The following GLIS3 variants were observed in gnomAD, a reference collection of about 807,000 sequenced individuals.
The protein encoded by GLIS3 is GLIS family zinc finger 3.
Under a neutral mutation model 78.6 loss-of-function variants are expected in GLIS3, and 53 were observed. The observed-to-expected ratio is 0.67, with a 90% CI of 0.54 to 0.85. GLIS3 has a LOEUF of 0.85. GLIS3 is among the 40% of genes least tolerant of loss of function. GLIS3 has a pLI of 0.00. For missense variants in GLIS3, 1,703 were observed against 1,231.1 expected (o/e 1.38, Z -5.74); for synonymous variants, 684 against 509.9 (o/e 1.34, Z -4.60).
intron 7 of GLIS3, among the ~76,000 whole-genome samples, chr9:3,892,061 C>T (rs1588163138): frequency 6.6e-6 from 1 of 152,152 alleles, no homozygotes; most frequent in East Asian, 1.9e-4. Flanking sequence ...ACAGACCCCT[C>T]ACTTCTTAAG....
At chr9:3,951,814 GGAGA>G (rs1007037650) in intron 4 of GLIS3, among the ~76,000 whole-genome samples, 2 of 138,868 alleles carry the variant, frequency 1.4e-5, no homozygotes, top group African/African-American at 5.4e-5. Flanking sequence ...AGGGAAAAGA[GGAGA>G]GAGAAAGAGA....
At chr9:4,109,374 G>C (rs767864076) in intron 4 of GLIS3, among the ~76,000 whole-genome samples, 5 of 152,144 alleles carry the variant, frequency 3.3e-5, no homozygotes, top group Non-Finnish European at 4.4e-5. Flanking sequence ...AATAACTTTG[G>C]TCTCTAGTCT....
At position 4,168,840 on chromosome 9, in the gene GLIS3, T is replaced by C. The variant is rs896233928; in HGVS notation, c.389-42899A>G. On this transcript the variant is annotated intron_variant, in intron 2 of 10. Coordinates refer to ENST00000381971, the MANE Select transcript of GLIS3 (RefSeq NM_001042413.2). ...ACTCCACAAAAATAGACAGAAGCCT[T>C]GGTCCCTCGTTAGGCCTAATTGTCG... is the stretch of plus-strand genomic sequence containing the variant. Among the ~76,000 whole-genome samples, 4 of 152,182 alleles carry C rather than the reference T, an allele frequency of 2.6e-5. No individual in the cohort carries two copies. In the East Asian group the frequency reaches 5.8e-4, roughly 22 times the overall value.
chr9:3,841,076 C>T (rs147609283), intron 9 of GLIS3, among the ~76,000 whole-genome samples: 31 of 152,156 alleles, frequency 2.0e-4, no homozygotes, highest in African/African-American at 6.3e-4. Context: ...GGGAAAAAAC[C>T]GAGTGAGAAG....
chr9:4,281,698 T>A (rs764355325), intron 2 of GLIS3, among the ~76,000 whole-genome samples: 1 of 152,214 alleles, frequency 6.6e-6, no homozygotes, highest in Non-Finnish European at 1.5e-5. Context: ...TCATAAATAA[T>A]GCTGCTGTGG....
chr9:4,206,900 G>C (rs572392279), intron 2 of GLIS3, among the ~76,000 whole-genome samples: 20 of 151,006 alleles, frequency 1.3e-4, no homozygotes, highest in Non-Finnish European at 1.8e-4. Context: ...TGGGAGGAAG[G>C]GGGGAGGACG....
At chr9:4,295,953 C>T (rs1030190014) in intron 1 of GLIS3, among the ~76,000 whole-genome samples, 10 of 152,038 alleles carry the variant, frequency 6.6e-5, no homozygotes, top group Admixed American at 2.0e-4. Flanking sequence ...ACACAGATTT[C>T]CTATGTGCCT....
the GLIS3 span, among the ~76,000 whole-genome samples, chr9:4,487,724 G>A: frequency 6.6e-6 from 1 of 150,496 alleles, no homozygotes; most frequent in African/African-American, 2.5e-5. Flanking sequence ...GTCTCGCTCT[G>A]TCACCCAGGC....
In GLIS3 at chr9:4,098,425, C is replaced by T. The variant is rs568548663; in HGVS notation, c.1710+19343G>A. Among the ~76,000 whole-genome samples the T allele has an allele frequency of 5.9e-5, 9 of 152,248 alleles. No homozygotes were observed. In the South Asian group the frequency reaches 1.7e-3, roughly 28 times the overall value. ...CACTAACATTTTCCATGAGCAAGAT[C>T]GATACACGGTGTAACAGAAACATAA... On this transcript the variant is annotated intron_variant, in intron 4 of 10. Transcript: ENST00000381971.
the GLIS3 span, among the ~76,000 whole-genome samples, chr9:4,423,435 C>G: frequency 2.0e-5 from 3 of 152,050 alleles, no homozygotes; most frequent in Non-Finnish European, 4.4e-5. Context: ...CTCATTCCCC[C>G]AACTTCCCAC....
intron 2 of GLIS3, among the ~76,000 whole-genome samples, chr9:4,132,011 A>G (rs1029636663): frequency 6.6e-6 from 1 of 151,538 alleles, no homozygotes; most frequent in East Asian, 1.9e-4. Context: ...CTCATTTCCA[A>G]TATTCTTTCT....
chr9:4,426,950 C>T, the GLIS3 span, among the ~76,000 whole-genome samples: 578 of 152,318 alleles, frequency 3.8e-3, 4 homozygotes, highest in African/African-American at 0.013. Context: ...ACACCCATTA[C>T]AGTTAAACTG....
intron 2 of GLIS3, among the ~76,000 whole-genome samples, chr9:4,226,064 G>T (rs755160522): frequency 6.6e-6 from 1 of 152,244 alleles, no homozygotes; most frequent in South Asian, 2.1e-4. Context: ...CGTTATTCAG[G>T]AATCTGAATA....
intron 2 of GLIS3, among the ~76,000 whole-genome samples, chr9:4,202,295 C>T (rs1012827215): frequency 6.0e-5 from 9 of 150,620 alleles, no homozygotes; most frequent in East Asian, 5.9e-4. Context: ...GGACTACAGG[C>T]GCCCGCCACC....
chr9:4,276,551 G>GAGGAC, intron 2 of GLIS3, among the ~76,000 whole-genome samples: 1 of 123,312 alleles, frequency 8.1e-6, no homozygotes, highest in Admixed American at 8.0e-5. Flanking sequence ...CGGAAGGGGA[G>GAGGAC]GGGAGGGGAG....
At chr9:3,859,032 G>T (rs956714298) in intron 8 of GLIS3, among the ~76,000 whole-genome samples, 5 of 152,118 alleles carry the variant, frequency 3.3e-5, no homozygotes, top group Admixed American at 1.3e-4. Context: ...AAAATCAGGG[G>T]TGAGAGGACA....
chr9:3,850,181 A>T (rs1819340460), intron 9 of GLIS3, among the ~76,000 whole-genome samples: 3 of 152,224 alleles, frequency 2.0e-5, no homozygotes, highest in African/African-American at 7.2e-5. Flanking sequence ...TAAAAATCAC[A>T]CAAAATAGAC....
At chr9:4,213,200 T>C (rs1210901561) in intron 2 of GLIS3, among the ~76,000 whole-genome samples, 2 of 152,164 alleles carry the variant, frequency 1.3e-5, no homozygotes, top group African/African-American at 4.8e-5. Flanking sequence ...GTTTCCTTGA[T>C]GTAGATATCC....
chr9:4,306,119 A>C (rs1341172350), intron 4 of GLIS3: 1 of 152,216 alleles, frequency 6.6e-6, no homozygotes, highest in East Asian at 1.9e-4. Context: ...TTGCTTTATC[A>C]CCCAAACTGT....
Sources: gnomAD v4.1 joint callset for allele counts (sites outside exome capture counted in the v4.1 genomes callset) on GRCh38, gnomAD v4.1.1 for gene constraint, MANE v1.5 for transcripts, NCBI Gene and HGNC (gene_info 2026-07-23, HGNC 2026-07-21) for gene names.